Variants in CTNNA3 observed in about 807,000 individuals in gnomAD.
CTNNA3 encodes the protein catenin alpha 3.
Under a neutral mutation model 95.7 loss-of-function variants are expected in CTNNA3, and 76 were observed. The ratio of observed to expected loss-of-function variants is 0.79; its 90% CI spans 0.66 to 0.96. The LOEUF (loss-of-function observed/expected upper bound fraction) is 0.96, where lower values mean the gene tolerates loss of function less well. Ranked by LOEUF, CTNNA3 falls within the 40% of genes least tolerant of loss-of-function variation. The probability of loss-of-function intolerance (pLI) is 0.00; values close to 1 mark genes in which losing one functional copy is unlikely to be tolerated. For missense variants in CTNNA3, 1,191 were observed against 1,089.8 expected, an observed-to-expected ratio of 1.09 and a Z score of -1.31; for synonymous variants, 431 against 374.4, an observed-to-expected ratio of 1.15 and a Z score of -1.74.
At chr10:65,999,319 G>C (rs1192808122) in intron 15 of CTNNA3, among the ~76,000 whole-genome samples, 1 of 152,150 alleles carries the variant, frequency 6.6e-6, no homozygotes, top group East Asian at 1.9e-4. Flanking sequence ...AAGGAGAGCA[G>C]CTAAGGCTCT....
intron 11 of CTNNA3, among the ~76,000 whole-genome samples, chr10:66,421,915 T>TATATATATATATATATATATATAC (rs1491235778): frequency 4.7e-5 from 6 of 128,896 alleles, no homozygotes; most frequent in African/African-American, 1.9e-4. Flanking sequence ...TATATATATA[T>TATATATATATATATATATATATAC]ACACACACAC....
rs1303366752 is a variant in CTNNA3 at position 67,389,031 on chromosome 10, T to C, written c.579+132811A>G. ...CGAGCAAAATAACCAGCTAACATCA[T>C]AATGACAGGATCAAATTCACACATA... On this transcript the variant is annotated intron_variant, in intron 5 of 17. Coordinates refer to ENST00000433211, the MANE Select transcript of CTNNA3 (RefSeq NM_013266.4). Among the ~76,000 whole-genome samples, 648 of 142,718 alleles carry C rather than the reference T, an allele frequency of 4.5e-3. 4 individuals are homozygous for C. The highest frequency in any genetic ancestry group is 0.016 in the African/African-American group (619 of 37,948). 93.6% of individuals were successfully genotyped at this position (142,718 alleles called of 152,430 possible).
At chr10:67,523,188 G>T (rs908973337) in intron 4 of CTNNA3, among the ~76,000 whole-genome samples, 2 of 152,168 alleles carry the variant, frequency 1.3e-5, no homozygotes, top group African/African-American at 4.8e-5. Context: ...AAGCTTCCAT[G>T]ACAGGACAGT....
chr10:66,894,343 C>T (rs10997434), intron 7 of CTNNA3, among the ~76,000 whole-genome samples: 132,454 of 151,932 alleles, frequency 0.87, 58,093 homozygotes, highest in East Asian at 0.99. Context: ...TATCCAGAAC[C>T]CTGATTTTCT....
rs1016090609 is a variant in CTNNA3, at chr10:66,691,265, G to A, written c.1282-69481C>T. Among the ~76,000 whole-genome samples, 10 of 152,152 alleles carry A rather than the reference G, an allele frequency of 6.6e-5. 1 individual carries two copies. The highest frequency in any genetic ancestry group is 6.2e-4 in the South Asian group (3 of 4,828). On this transcript the variant is annotated intron_variant, in intron 9 of 17. Transcript: ENST00000433211. ...CGGGTCACTCCCACCCTAATACTGC[G>A]CTTTTCTGATGGGCTTAAAAAACGG...
rs572144441 is a variant in CTNNA3, at chr10:67,046,423, A to G, written c.1047+133894T>C. The stretch of plus-strand genomic sequence containing the variant: ...TAACTGAAACAGGGATTCTCAACAC[A>G]TAGAACTTCTAATCCAGGCTGACCT... On this transcript the variant is annotated intron_variant, in intron 7 of 17. Transcript: ENST00000433211. Among the ~76,000 whole-genome samples, 36 of 152,294 alleles carry G rather than the reference A, an allele frequency of 2.4e-4. No homozygotes were observed. The East Asian group carries it at 4.8e-3, about 20-fold the overall frequency.
At chr10:66,645,833 G>A (rs927987511) in intron 9 of CTNNA3, among the ~76,000 whole-genome samples, 19 of 152,082 alleles carry the variant, frequency 1.2e-4, no homozygotes, top group African/African-American at 4.1e-4. Flanking sequence ...CTCACTATCC[G>A]TGGAAAAATT....
At chr10:67,109,428 A>G (rs902402157) in intron 7 of CTNNA3, among the ~76,000 whole-genome samples, 1 of 152,184 alleles carries the variant, frequency 6.6e-6, no homozygotes, top group African/African-American at 2.4e-5. Context: ...TCCAATGTTT[A>G]TTTTGTGCTT....
chr10:66,805,255 T>C (rs1589274270), intron 7 of CTNNA3, among the ~76,000 whole-genome samples: 1 of 151,980 alleles, frequency 6.6e-6, no homozygotes, highest in East Asian at 1.9e-4. Flanking sequence ...TTTGCTATAA[T>C]AAATCATAGC....
At position 66,520,698 on chromosome 10, in the gene CTNNA3, G is replaced by GGAAA. The variant is rs1841031962; in HGVS notation, c.1449_1450insTTTC (p.Arg484PhefsTer13). 3 of 1,610,936 alleles carry GGAAA rather than the reference G, an allele frequency of 1.9e-6. No individual in the cohort carries two copies. In the African/African-American group the frequency reaches 4.0e-5, roughly 22 times the overall value. On this transcript the variant is annotated frameshift_variant, in exon 11 of 18. Coordinates refer to ENST00000433211, the MANE Select transcript of CTNNA3 (RefSeq NM_013266.4). LOFTEE classifies it high-confidence loss of function. ...ACATGTATATGATTCTCCCATGTAC[G>GGAAA]CTTGTACATTTCCATGGTGTTTTTG... is the stretch of plus-strand genomic sequence containing the variant.
chr10:66,434,031 T>A (rs761761450), intron 11 of CTNNA3, among the ~76,000 whole-genome samples: 5 of 152,192 alleles, frequency 3.3e-5, no homozygotes, highest in Non-Finnish European at 7.4e-5. Flanking sequence ...TATCATGCTG[T>A]TTTTGTTACT....
intron 1 of CTNNA3, among the ~76,000 whole-genome samples, chr10:67,693,428 T>C (rs555508349): frequency 1.4e-4 from 22 of 152,328 alleles, no homozygotes; most frequent in Admixed American, 1.2e-3. Flanking sequence ...TTTCAAGTTT[T>C]CATTACAAAG....
At chr10:66,439,775 G>T (rs2093363469) in intron 11 of CTNNA3, among the ~76,000 whole-genome samples, 1 of 152,040 alleles carries the variant, frequency 6.6e-6, no homozygotes, top group Non-Finnish European at 1.5e-5. Context: ...TCATCAATAT[G>T]TTACACTAGG....
At chr10:66,700,800 C>A (rs1255558385) in intron 9 of CTNNA3, among the ~76,000 whole-genome samples, 1 of 152,100 alleles carries the variant, frequency 6.6e-6, no homozygotes, top group Non-Finnish European at 1.5e-5. Context: ...CAGTATTTTG[C>A]TAATTTGTTC....
intron 7 of CTNNA3, among the ~76,000 whole-genome samples, chr10:67,113,245 A>C (rs559643844): frequency 6.6e-6 from 1 of 152,026 alleles, no homozygotes; most frequent in Non-Finnish European, 1.5e-5. Flanking sequence ...AATTTTTTTT[A>C]TTTTTACTGA....
intron 7 of CTNNA3, among the ~76,000 whole-genome samples, chr10:66,924,814 T>C (rs529579706): frequency 6.6e-6 from 1 of 152,196 alleles, no homozygotes; most frequent in Non-Finnish European, 1.5e-5. Context: ...GAGTTTTTGT[T>C]TTTATGCCCG....
At chr10:66,460,645 T>C (rs964798414) in intron 11 of CTNNA3, among the ~76,000 whole-genome samples, 2 of 152,072 alleles carry the variant, frequency 1.3e-5, no homozygotes, top group African/African-American at 4.8e-5. Flanking sequence ...CTGCAGCCCA[T>C]AGAGCGACTG....
At chr10:66,142,704 G>C (rs971224048) in intron 13 of CTNNA3, among the ~76,000 whole-genome samples, 4 of 152,008 alleles carry the variant, frequency 2.6e-5, no homozygotes, top group Non-Finnish European at 4.4e-5. Flanking sequence ...GGTTAAAACT[G>C]ATATATTTCA....
chr10:66,509,195 G>C (rs1224755424), intron 11 of CTNNA3, among the ~76,000 whole-genome samples: 1 of 151,986 alleles, frequency 6.6e-6, no homozygotes, highest in Non-Finnish European at 1.5e-5. Context: ...CTTCCTTTGA[G>C]AAACGATGTC....
Sources: allele counts gnomAD v4.1 joint callset (sites outside exome capture counted in the v4.1 genomes callset), GRCh38; gene constraint gnomAD v4.1.1; transcripts MANE v1.5; gene names NCBI Gene and HGNC (gene_info 2026-07-23, HGNC 2026-07-21).